FAF1: variants seen among roughly 807,000 people sequenced by gnomAD.
FAF1 encodes FAS-associated factor 1.
A neutral mutation model predicts 92.5 loss-of-function variants in FAF1; 25 were observed. That is an observed-to-expected ratio of 0.27 (90% CI 0.20 to 0.38). FAF1 has a LOEUF of 0.38. FAF1 is among the 10% of genes least tolerant of loss of function. The pLI is 1.00. For synonymous variants in FAF1, 234 were observed against 273.2 expected (o/e 0.86, Z 1.42); for missense variants, 636 against 793.3 (o/e 0.80, Z 2.38).
At chr1:50,809,557 T>C (rs1308652381) in intron 2 of FAF1, among the ~76,000 whole-genome samples, 8 of 152,052 alleles carry the variant, frequency 5.3e-5, no homozygotes, top group Non-Finnish European at 1.0e-4. Flanking sequence ...CCTCCCAAGA[T>C]TGGATCATGA....
chr1:50,535,931 A>C (rs1283651179), intron 14 of FAF1, among the ~76,000 whole-genome samples: 1 of 152,192 alleles, frequency 6.6e-6, no homozygotes, highest in African/African-American at 2.4e-5. Flanking sequence ...TTAGCTCAAA[A>C]AAACCTCTCT....
intron 13 of FAF1, among the ~76,000 whole-genome samples, chr1:50,555,897 G>C (rs1025434824): frequency 6.6e-6 from 1 of 151,380 alleles, no homozygotes. Context: ...AAGAAAATGT[G>C]GTACGTATAC....
At chr1:50,939,088 T>A (rs1645109755) in intron 1 of FAF1, among the ~76,000 whole-genome samples, 2 of 152,228 alleles carry the variant, frequency 1.3e-5, no homozygotes, top group African/African-American at 4.8e-5. Flanking sequence ...AATAGTTTTT[T>A]TAGTTTTGTT....
intron 1 of FAF1, among the ~76,000 whole-genome samples, chr1:50,913,000 C>A (rs910547300): frequency 3.3e-5 from 5 of 152,168 alleles, no homozygotes; most frequent in Admixed American, 3.3e-4. Context: ...TGAATTGGGG[C>A]ATTCAAGCCT....
intron 8 of FAF1, among the ~76,000 whole-genome samples, chr1:50,634,382 T>G (rs1158722218): frequency 2.6e-5 from 4 of 152,248 alleles, no homozygotes; most frequent in African/African-American, 9.6e-5. Context: ...TAAGCTGGAC[T>G]ACTACTTCAG....
chr1:50,476,054 GAC>G (rs1325663639), intron 17 of FAF1, among the ~76,000 whole-genome samples: 1 of 152,026 alleles, frequency 6.6e-6, no homozygotes, highest in Non-Finnish European at 1.5e-5. Flanking sequence ...ATTCAGAAAA[GAC>G]ACACACAAAC....
intron 2 of FAF1, among the ~76,000 whole-genome samples, chr1:50,842,572 C>G (rs1644264596): frequency 6.6e-6 from 1 of 152,048 alleles, no homozygotes; most frequent in Non-Finnish European, 1.5e-5. Context: ...GTCTTCTCCT[C>G]TAGGCACACT....
chr1:50,601,642 G>A (rs764014391), intron 8 of FAF1, among the ~76,000 whole-genome samples: 1 of 151,688 alleles, frequency 6.6e-6, no homozygotes, highest in African/African-American at 2.4e-5. Flanking sequence ...AGATTGAGCC[G>A]CTGCACTCCA....
chr1:50,600,180 A>C (rs1557428522), intron 8 of FAF1, among the ~76,000 whole-genome samples: 1 of 152,214 alleles, frequency 6.6e-6, no homozygotes, highest in Non-Finnish European at 1.5e-5. Context: ...TTTAAAAACT[A>C]TCAGCCATCA....
chr1:50,643,341 T>C (rs77288530), intron 8 of FAF1, among the ~76,000 whole-genome samples: 1 of 152,240 alleles, frequency 6.6e-6, no homozygotes, highest in Non-Finnish European at 1.5e-5. Flanking sequence ...GGTTTTTTTT[T>C]TGTGTGCTAC....
intron 1 of FAF1, among the ~76,000 whole-genome samples, chr1:50,946,315 C>T (rs961612965): frequency 6.6e-6 from 1 of 152,190 alleles, no homozygotes; most frequent in Admixed American, 6.5e-5. Flanking sequence ...GAAAAATATC[C>T]TCCCCACCCA....
At chr1:50,858,978 G>A (rs1035099336) in intron 1 of FAF1, among the ~76,000 whole-genome samples, 1 of 151,706 alleles carries the variant, frequency 6.6e-6, no homozygotes, top group Non-Finnish European at 1.5e-5. Context: ...ATACAAGGTT[G>A]GTTGGGCATA....
rs1437363068 is a variant in FAF1, at chr1:50,583,260, A to T, written c.1031+392T>A. 6.6e-6 allele frequency among the ~76,000 whole-genome samples: 1 copy of T among 151,822 alleles called. No homozygotes were observed. The highest frequency in any genetic ancestry group is 1.5e-5 in the Non-Finnish European group (1 of 67,824). ...TGTAAAGCAATTCCAAAAGAAAAAA[A>T]TAAAGGAAAAAATTCACTTGGATTT... On this transcript the variant is annotated intron_variant, in intron 11 of 18. Transcript: ENST00000396153. This position sits in a 1 kb window ranked among gnomAD's most constrained non-coding sequence, Gnocchi z 4.2.
intron 15 of FAF1, among the ~76,000 whole-genome samples, chr1:50,513,254 C>A (rs1466641711): frequency 6.6e-6 from 1 of 152,086 alleles, no homozygotes; most frequent in Non-Finnish European, 1.5e-5. Flanking sequence ...CCAAGGCGGG[C>A]AGATTGCTTG....
intron 8 of FAF1, among the ~76,000 whole-genome samples, chr1:50,602,070 C>T (rs1234825602): frequency 2.6e-5 from 4 of 152,160 alleles, no homozygotes; most frequent in African/African-American, 9.7e-5. Flanking sequence ...GATCTTCATA[C>T]ATCACTAAGG....
intron 8 of FAF1, among the ~76,000 whole-genome samples, chr1:50,609,244 C>G (rs1652581429): frequency 6.6e-6 from 1 of 152,170 alleles, no homozygotes; most frequent in Non-Finnish European, 1.5e-5. Flanking sequence ...CTGCCTAATC[C>G]TTGTTATTCC....
At chr1:50,474,635 T>C (rs1400628586) in intron 18 of FAF1, among the ~76,000 whole-genome samples, 2 of 152,180 alleles carry the variant, frequency 1.3e-5, no homozygotes, top group African/African-American at 2.4e-5. Flanking sequence ...GTTATTAACG[T>C]GTATTCAGCT....
rs549692253 is a variant in FAF1, at chr1:50,701,155, G to A, written c.657+4631C>T. 2.0e-5 allele frequency among the ~76,000 whole-genome samples: 3 copies of A among 152,110 alleles called. No homozygotes were observed. The South Asian group carries it at 6.2e-4, about 32-fold the overall frequency. Reference sequence around the variant, plus strand: ...TTATCTCTTTCATTCTTGCTAAAATGTCATTCGTGATTTCAAATTTTAAAA... The same window carrying A: ...TTATCTCTTTCATTCTTGCTAAAATATCATTCGTGATTTCAAATTTTAAAA... On this transcript the variant is annotated intron_variant, in intron 7 of 18. Transcript: ENST00000396153.
chr1:50,615,726 G>A (rs1201933707), intron 8 of FAF1, among the ~76,000 whole-genome samples: 19 of 151,944 alleles, frequency 1.3e-4, no homozygotes, highest in South Asian at 4.2e-4. Flanking sequence ...CTGCTTGTTT[G>A]TTTCAGTTCC....
Sources: gnomAD v4.1 joint callset for allele counts (sites outside exome capture counted in the v4.1 genomes callset) on GRCh38, gnomAD v4.1.1 for gene constraint, Gnocchi (gnomAD v3.1) non-coding constraint, MANE v1.5 for transcripts, NCBI Gene and HGNC (gene_info 2026-07-23, HGNC 2026-07-21) for gene names.